TXNRD2: variants seen among roughly 807,000 people sequenced by gnomAD.
The protein encoded by TXNRD2 is thioredoxin reductase 2, mitochondrial.
In TXNRD2, 67 loss-of-function variants were observed where a neutral mutation model predicts 70.8. The observed-to-expected ratio is 0.95, with a 90% CI of 0.78 to 1.16. The LOEUF (loss-of-function observed/expected upper bound fraction) is 1.16, where lower values mean the gene tolerates loss of function less well. TXNRD2 is among the 50% of genes most tolerant of loss of function. The probability of loss-of-function intolerance (pLI) is 0.00; values close to 1 mark genes in which losing one functional copy is unlikely to be tolerated. For synonymous variants in TXNRD2, 301 were observed against 295.8 expected, an observed-to-expected ratio of 1.02 and a Z score of -0.18; for missense variants, 644 against 719.9, an observed-to-expected ratio of 0.89 and a Z score of 1.21.
intron 17 of TXNRD2, 82 bp downstream of exon 17, chr22:19,876,958 A>C (rs1601376640): frequency 9.9e-7 from 1 of 1,012,870 alleles, no homozygotes. Context: ...CTTGCTGTAC[A>C]CCTGGAGGGA....
chr22:19,898,250 TC>T, intron 9 of TXNRD2, 120 bp from the exon 10 acceptor site: 1 of 942,244 alleles, frequency 1.1e-6, no homozygotes, highest in Non-Finnish European at 1.6e-6. Context: ...TGGAGGAGGC[TC>T]CCAACTCAAG....
intron 11 of TXNRD2, among the ~76,000 whole-genome samples, chr22:19,890,545 G>A (rs1459429427): frequency 6.6e-6 from 1 of 152,090 alleles, no homozygotes; most frequent in Admixed American, 6.5e-5. Context: ...ATCCCTGAGA[G>A]CAGTCCTGAT....
chr22:19,940,921 G>A (rs1468397465), intron 1 of TXNRD2, among the ~76,000 whole-genome samples: 1 of 152,080 alleles, frequency 6.6e-6, no homozygotes, highest in Non-Finnish European at 1.5e-5. Flanking sequence ...CGAGTCCACC[G>A]CGGGCAGAGG....
chr22:19,915,877 C>G (rs1462287866), intron 5 of TXNRD2, 34 bp from the exon 6 acceptor site: 2 of 1,590,544 alleles, frequency 1.3e-6, no homozygotes, highest in East Asian at 2.2e-5. Context: ...CAAACACTTC[C>G]TCTGCAAATT....
At chr22:19,902,456 C>T (rs910813101) in intron 8 of TXNRD2, among the ~76,000 whole-genome samples, 7 of 152,228 alleles carry the variant, frequency 4.6e-5, no homozygotes, top group Non-Finnish European at 7.3e-5. Context: ...GGAATACTCA[C>T]ACAAAGTGAG....
Position 19,878,434 on chromosome 22 carries a change from A to G in TXNRD2, c.1279T>C (p.Tyr427His), listed in dbSNP as rs1938608758. ...TCCAGTGGTTTATAATGGGCGTGATAGACCTGAGGACAGGATACCAACCCT... is the reference window on the plus strand; with the variant it reads ...TCCAGTGGTTTATAATGGGCGTGATGGACCTGAGGACAGGATACCAACCCT... ...ARHGQEHVEV[Y>H]HAHYKPLEFT... The change falls in exon 15 of 18, where the codon TAT (tyrosine) becomes CAT (histidine). Residue 427 changes from tyrosine (Y) to histidine (H), a missense_variant. Tyr to His is a moderately conservative substitution (Grantham distance 83). Around this residue, in one of 3 missense-constraint regions of TXNRD2, gnomAD observed 566 missense variants for 645.0 expected, o/e 0.88. Transcript: ENST00000400521. The G allele has an allele frequency of 3.1e-6, 5 of 1,613,586 alleles. No individual in the cohort carries two copies. The highest frequency in any genetic ancestry group is 4.2e-6 in the Non-Finnish European group (5 of 1,179,986).
In TXNRD2 at chr22:19,894,686, T is replaced by C. The variant is rs142862006; in HGVS notation, c.949+721A>G. On this transcript the variant is annotated intron_variant, in intron 11 of 17. Coordinates refer to ENST00000400521, the MANE Select transcript of TXNRD2 (RefSeq NM_006440.5). ...GCCTGAAGCAGCAAAACATTTAATA[T>C]GCTAAAGAAAAAATACATACTGGCC... The C allele has an allele frequency of 3.9e-3, 755 of 191,206 alleles. 12 individuals carry two copies. Among genetic ancestry groups the C allele is most frequent in the African/African-American group, 0.017 (719 of 41,624 alleles). 11.8% of individuals were successfully genotyped at this position (191,206 alleles called of 1,614,324 possible). A position where few individuals can be genotyped will look rare whatever the true frequency, so the allele number is the denominator to read the frequency against.
chr22:19,886,784 G>C (rs1939052995), intron 11 of TXNRD2, among the ~76,000 whole-genome samples: 1 of 152,250 alleles, frequency 6.6e-6, no homozygotes, highest in Non-Finnish European at 1.5e-5. Context: ...TGGCTCTGGA[G>C]TGCCCAGTGC....
chr22:19,893,001 C>T (rs1939334386), intron 11 of TXNRD2, among the ~76,000 whole-genome samples: 1 of 152,252 alleles, frequency 6.6e-6, no homozygotes, highest in Non-Finnish European at 1.5e-5. Context: ...GCTCAGGCAT[C>T]TCAGGTCCTC....
At chr22:19,897,949 G>T in intron 10 of TXNRD2, 90 bp downstream of exon 10, 1 of 1,015,784 alleles carries the variant, frequency 9.8e-7, no homozygotes, top group Non-Finnish European at 1.5e-6. Flanking sequence ...ATCACTCGTG[G>T]CCCATGACTG....
chr22:19,903,107 C>T, intron 8 of TXNRD2: 1 of 501,284 alleles, frequency 2.0e-6, no homozygotes, highest in Non-Finnish European at 4.0e-6. Flanking sequence ...ACAGGCCTGG[C>T]TGGCTGCAGC....
At chr22:19,929,746 C>T (rs1229703219) in intron 2 of TXNRD2, among the ~76,000 whole-genome samples, 1 of 152,132 alleles carries the variant, frequency 6.6e-6, no homozygotes, top group Non-Finnish European at 1.5e-5. Flanking sequence ...GCAGCCCTGG[C>T]AGACTAACGG....
At chr22:19,919,434 T>C (rs926589622) in intron 3 of TXNRD2, 109 bp downstream of exon 3, 20 of 988,884 alleles carry the variant, frequency 2.0e-5, no homozygotes, top group Non-Finnish European at 3.0e-5. Flanking sequence ...CCAGAAACCA[T>C]GGACAGCAGG....
chr22:19,933,153 C>T (rs567677014), intron 1 of TXNRD2, among the ~76,000 whole-genome samples: 3 of 152,356 alleles, frequency 2.0e-5, no homozygotes, highest in South Asian at 2.1e-4. Flanking sequence ...TCTGAGTGCA[C>T]GTGAGATGTG....
intron 2 of TXNRD2, among the ~76,000 whole-genome samples, chr22:19,921,414 C>CAAA (rs34252435): frequency 1.5e-4 from 11 of 75,434 alleles, no homozygotes; most frequent in African/African-American, 2.4e-4. Flanking sequence ...GACCCTGTCT[C>CAAA]AAAAAAAAAA....
At chr22:19,908,720 C>A (rs1186915752) in intron 8 of TXNRD2, among the ~76,000 whole-genome samples, 1 of 152,150 alleles carries the variant, frequency 6.6e-6, no homozygotes, top group Non-Finnish European at 1.5e-5. Context: ...GAAGCAGAGG[C>A]AACTTGGGTG....
At chr22:19,915,425 G>C (rs1026408997) in intron 6 of TXNRD2, 149 bp from the exon 7 acceptor site, 2 of 823,602 alleles carry the variant, frequency 2.4e-6, no homozygotes, top group Non-Finnish European at 4.1e-6. Context: ...AGGCCCTATG[G>C]AGCTGGAATC....
At chr22:19,925,619 T>C (rs1941110335) in intron 2 of TXNRD2, among the ~76,000 whole-genome samples, 2 of 152,008 alleles carry the variant, frequency 1.3e-5, no homozygotes. Context: ...AGGGGTGGAA[T>C]AGATGTATGC....
At chr22:19,880,594 G>T in intron 13 of TXNRD2, 28 bp downstream of exon 13, 1 of 1,602,268 alleles carries the variant, frequency 6.2e-7, no homozygotes, top group Non-Finnish European at 8.5e-7. Flanking sequence ...GTCCTAGGCT[G>T]CACGTGGCGT....
Sources: allele counts gnomAD v4.1 joint callset (sites outside exome capture counted in the v4.1 genomes callset), GRCh38; gene constraint gnomAD v4.1.1; regional missense constraint gnomAD v4.1.1; transcripts MANE v1.5; gene names NCBI Gene and HGNC (gene_info 2026-07-23, HGNC 2026-07-21).